Variants in CXXC4 observed in about 807,000 individuals in gnomAD.
CXXC4 encodes CXXC-type zinc finger protein 4.
CXXC4 carries 5 observed loss-of-function variants against 20.5 expected under a neutral mutation model. That is an observed-to-expected ratio of 0.24 (90% CI 0.13 to 0.51). The LOEUF is 0.51. Among genes scored for constraint, CXXC4 ranks in the 20% least tolerant of loss-of-function variants. The pLI, the probability that CXXC4 is intolerant of heterozygous loss-of-function variation, is 0.97. For missense variants in CXXC4, 419 were observed against 496.4 expected (o/e 0.84, Z 1.48); for synonymous variants, 250 against 216.4 (o/e 1.16, Z -1.36).
At chr4:104,488,469 A>C (rs1407733704) in intron 2 of CXXC4, among the ~76,000 whole-genome samples, 3 of 152,228 alleles carry the variant, frequency 2.0e-5, no homozygotes, top group Non-Finnish European at 4.4e-5. Context: ...TTTTGAAAAA[A>C]AGCTTTTTAT....
intron 1 of CXXC4, among the ~76,000 whole-genome samples, chr4:104,492,502 C>T (rs960484462): frequency 6.6e-6 from 1 of 152,034 alleles, no homozygotes; most frequent in Non-Finnish European, 1.5e-5. Context: ...AAGTAGAAAA[C>T]AGCAATGGCC....
intron 2 of CXXC4, among the ~76,000 whole-genome samples, chr4:104,485,820 G>A (rs748122724): frequency 1.3e-5 from 2 of 151,538 alleles, no homozygotes; most frequent in Admixed American, 6.6e-5. Context: ...AAATTGTTTT[G>A]TACTTATCAA....
intron 2 of CXXC4, among the ~76,000 whole-genome samples, chr4:104,485,922 A>C (rs1736681393): frequency 6.6e-6 from 1 of 152,122 alleles, no homozygotes; most frequent in African/African-American, 2.4e-5. Context: ...TTCAGTAATC[A>C]ATTATTTAAG....
At chr4:104,476,591 C>T (rs1050068360) in intron 2 of CXXC4, among the ~76,000 whole-genome samples, 3 of 152,122 alleles carry the variant, frequency 2.0e-5, no homozygotes, top group Non-Finnish European at 4.4e-5. Flanking sequence ...ACTTTTGATG[C>T]TGAAATTCAC....
rs1282055468 is a variant in CXXC4 at position 104,491,833 on chromosome 4, G to T, written c.-31C>A. On this transcript the variant is annotated 5_prime_UTR_variant, in exon 2 of 3. Coordinates refer to ENST00000394767, the MANE Select transcript of CXXC4 (RefSeq NM_025212.4). ...AGGGGGGGAAGAAGGGGTGCAGGGT[G>T]GAAGTGGGGACCGCCTGGTCCGACA... The T allele has an allele frequency of 2.6e-6, 3 of 1,168,410 alleles. No homozygotes were observed. Among genetic ancestry groups the T allele is most frequent in the African/African-American group, 3.3e-5 (2 of 60,058 alleles). 72.4% of individuals were successfully genotyped at this position (1,168,410 alleles called of 1,614,324 possible).
chr4:104,492,254 C>A (rs1297239741), intron 1 of CXXC4, among the ~76,000 whole-genome samples, 195 bp from the exon 2 acceptor site: 1 of 147,956 alleles, frequency 6.8e-6, no homozygotes, highest in Non-Finnish European at 1.5e-5. Flanking sequence ...CCTCCCTCCC[C>A]ACAGCAAACC....
chr4:104,477,340 T>C (rs1324599492), intron 2 of CXXC4, among the ~76,000 whole-genome samples: 1 of 152,100 alleles, frequency 6.6e-6, no homozygotes, highest in African/African-American at 2.4e-5. Flanking sequence ...CATTGTTATA[T>C]AGGTTCTTGA....
At chr4:104,488,788 A>G (rs539429794) in intron 2 of CXXC4, among the ~76,000 whole-genome samples, 1 of 152,348 alleles carries the variant, frequency 6.6e-6, no homozygotes, top group Non-Finnish European at 1.5e-5. Context: ...TTGTGCAGAA[A>G]ACCTATTGGT....
rs1381047422 is a variant in CXXC4, at chr4:104,469,774, TA to T, written c.*2547del. 1 of 151,818 alleles carries T rather than the reference TA, an allele frequency of 6.6e-6. No individual in the cohort carries two copies. Among genetic ancestry groups the T allele is most frequent in the Non-Finnish European group, 1.5e-5 (1 of 67,890 alleles). The allele number at this position is 151,818 out of a possible 1,614,324, so 9.4% of individuals were successfully genotyped here. The stretch of plus-strand genomic sequence containing the variant: ...TGGTATAAAAGAACAATATCAAGAA[TA>T]AAAAACATAAGAGAATTAATGAAAA... On this transcript the variant is annotated 3_prime_UTR_variant, in exon 3 of 3. Coordinates refer to ENST00000394767, the MANE Select transcript of CXXC4 (RefSeq NM_025212.4).
At chr4:104,484,907 A>T (rs1476086520) in intron 2 of CXXC4, among the ~76,000 whole-genome samples, 1 of 152,018 alleles carries the variant, frequency 6.6e-6, no homozygotes, top group Non-Finnish European at 1.5e-5. Flanking sequence ...ATGGAACAAG[A>T]TATGACTCAA....
intron 1 of CXXC4, among the ~76,000 whole-genome samples, chr4:104,493,700 C>A (rs1736966779): frequency 6.6e-6 from 1 of 152,200 alleles, no homozygotes; most frequent in Non-Finnish European, 1.5e-5. Context: ...GCTGCCTTCT[C>A]AGGTCTGAGG....
chr4:104,481,663 G>T (rs1260291011), intron 2 of CXXC4, among the ~76,000 whole-genome samples: 1 of 152,034 alleles, frequency 6.6e-6, no homozygotes, highest in Admixed American at 6.6e-5. Context: ...TTTAAGCCAG[G>T]ATTTGTGTGT....
intron 2 of CXXC4, among the ~76,000 whole-genome samples, chr4:104,478,224 C>T (rs1269950464): frequency 1.3e-5 from 2 of 152,202 alleles, no homozygotes; most frequent in Non-Finnish European, 1.5e-5. Context: ...GCAACCACCA[C>T]AGTTACCATC....
intron 2 of CXXC4, among the ~76,000 whole-genome samples, chr4:104,481,346 A>G (rs1300352146): frequency 6.6e-6 from 1 of 152,166 alleles, no homozygotes; most frequent in East Asian, 1.9e-4. Flanking sequence ...CCTGGCCAAC[A>G]TGGTGAAACC....
intron 2 of CXXC4, among the ~76,000 whole-genome samples, chr4:104,480,776 C>T (rs1338545445): frequency 1.3e-5 from 2 of 152,008 alleles, no homozygotes; most frequent in Admixed American, 6.6e-5. Context: ...ACGCCCCTTT[C>T]TGATTTCCCT....
chr4:104,478,645 G>T (rs955820925), intron 2 of CXXC4, among the ~76,000 whole-genome samples: 1 of 152,030 alleles, frequency 6.6e-6, no homozygotes, highest in African/African-American at 2.4e-5. Context: ...TTATAAGTGG[G>T]TATTTTAGTG....
chr4:104,484,058 T>C (rs1417087766), intron 2 of CXXC4, among the ~76,000 whole-genome samples: 1 of 152,016 alleles, frequency 6.6e-6, no homozygotes, highest in East Asian at 1.9e-4. Flanking sequence ...ATACCACTAA[T>C]AGACATCAGG....
chr4:104,480,869 C>G (rs994194536), intron 2 of CXXC4, among the ~76,000 whole-genome samples: 2 of 126,678 alleles, frequency 1.6e-5, no homozygotes, highest in Non-Finnish European at 3.2e-5. Context: ...TCCCTCCCTT[C>G]CTTCCTTCCT....
intron 2 of CXXC4, among the ~76,000 whole-genome samples, chr4:104,476,300 A>C (rs1392539973): frequency 2.0e-5 from 3 of 152,212 alleles, no homozygotes; most frequent in Non-Finnish European, 4.4e-5. Context: ...TAAGGATTTT[A>C]GCATGTTTCT....
Sources: gnomAD v4.1 joint callset for allele counts (sites outside exome capture counted in the v4.1 genomes callset) on GRCh38, gnomAD v4.1.1 for gene constraint, MANE v1.5 for transcripts, NCBI Gene and HGNC (gene_info 2026-07-23, HGNC 2026-07-21) for gene names.